KIRREL3: variants seen among roughly 807,000 people sequenced by gnomAD.
The protein encoded by KIRREL3 is kin of IRRE-like protein 3.
A neutral mutation model predicts 89.7 loss-of-function variants in KIRREL3; 36 were observed. The observed-to-expected ratio is 0.40, with a 90% CI of 0.31 to 0.53. The LOEUF (loss-of-function observed/expected upper bound fraction) is 0.53, where lower values mean the gene tolerates loss of function less well. Ranked by LOEUF, KIRREL3 falls within the 20% of genes least tolerant of loss-of-function variation. KIRREL3 has a pLI of 0.49. For missense variants in KIRREL3, 864 were observed against 1,056.6 expected (o/e 0.82, Z 2.53); for synonymous variants, 445 against 441.4 (o/e 1.01, Z -0.10).
intron 1 of KIRREL3, among the ~76,000 whole-genome samples, chr11:126,738,197 G>A (rs1345227503): frequency 1.3e-5 from 2 of 152,270 alleles, no homozygotes; most frequent in African/African-American, 2.4e-5. Flanking sequence ...AAAATCCGAC[G>A]CATTTTCATT....
Position 126,428,599 on chromosome 11 carries a change from C to T in KIRREL3, c.1806+580G>A, listed in dbSNP as rs1955021745. 6.6e-6 allele frequency among the ~76,000 whole-genome samples: 1 copy of T among 152,036 alleles called. No homozygotes were observed. The highest frequency in any genetic ancestry group is 1.5e-5 in the Non-Finnish European group (1 of 68,014). On this transcript the variant is annotated intron_variant, in intron 15 of 16. Coordinates refer to ENST00000525144, the MANE Select transcript of KIRREL3 (RefSeq NM_032531.4). This position sits in a 1 kb window ranked among gnomAD's most constrained non-coding sequence, Gnocchi z 6.4. ...ATATTGTGGCAATTTATGCATATGT[C>T]TTTTCTCCTTACTGAAGAGCCAGGC...
intron 1 of KIRREL3, among the ~76,000 whole-genome samples, chr11:126,809,988 C>T (rs536892346): frequency 6.6e-6 from 1 of 152,244 alleles, no homozygotes; most frequent in South Asian, 2.1e-4. Context: ...ATGTCATTCG[C>T]CTCAGCTTGT....
Position 126,571,818 on chromosome 11 carries a change from T to C in KIRREL3, c.56-8906A>G, listed in dbSNP as rs538976434. 2.7e-4 allele frequency among the ~76,000 whole-genome samples: 41 copies of C among 152,298 alleles called. No homozygotes were observed. Among genetic ancestry groups the C allele is most frequent in the Non-Finnish European group, 4.6e-4 (31 of 68,020 alleles). Reference sequence around the variant, plus strand: ...AAGAATTTTACGGGAAACAGTTTTATCCCATGTGCAAGGATGCCTCAGCCC... The same window carrying C: ...AAGAATTTTACGGGAAACAGTTTTACCCCATGTGCAAGGATGCCTCAGCCC... On this transcript the variant is annotated intron_variant, in intron 1 of 16. Coordinates refer to ENST00000525144, the MANE Select transcript of KIRREL3 (RefSeq NM_032531.4). The surrounding 1 kb of genome is among the most constrained non-coding windows in gnomAD (Gnocchi z 7.7).
At chr11:126,662,950 T>C (rs1343603428) in intron 1 of KIRREL3, among the ~76,000 whole-genome samples, 2 of 142,018 alleles carry the variant, frequency 1.4e-5, no homozygotes, top group African/African-American at 5.2e-5. Context: ...TGATTCTTAC[T>C]CATGTATTTC....
rs1443684333 is a variant in KIRREL3 at position 126,564,009 on chromosome 11, G to A, written c.56-1097C>T. On this transcript the variant is annotated intron_variant, in intron 1 of 16. Coordinates refer to ENST00000525144, the MANE Select transcript of KIRREL3 (RefSeq NM_032531.4). The surrounding 1 kb of genome is among the most constrained non-coding windows in gnomAD (Gnocchi z 7.4). ...CCCCACCCCACCTTGTAGCATAGAA[G>A]TCTTACAAATGTGTCAGCTGCCACA... Among the ~76,000 whole-genome samples the A allele has an allele frequency of 2.0e-5, 3 of 152,210 alleles. No homozygotes were observed. In the East Asian group the frequency reaches 5.8e-4, roughly 29 times the overall value.
intron 1 of KIRREL3, among the ~76,000 whole-genome samples, chr11:126,661,620 C>T (rs896992234): frequency 6.6e-6 from 1 of 152,264 alleles, no homozygotes; most frequent in Admixed American, 6.5e-5. Context: ...GTGAAGATTT[C>T]CAGGATGGAT....
intron 1 of KIRREL3, among the ~76,000 whole-genome samples, chr11:126,732,563 C>T (rs1041647787): frequency 2.0e-5 from 3 of 152,182 alleles, no homozygotes; most frequent in African/African-American, 4.8e-5. Context: ...CTGCTTGTCT[C>T]GGGAAAGTGT....
At position 126,490,594 on chromosome 11, in the gene KIRREL3, T is replaced by C. The variant is rs192120865; in HGVS notation, c.434-17128A>G. 2.3e-3 allele frequency among the ~76,000 whole-genome samples: 352 copies of C among 152,326 alleles called. 2 individuals are homozygous for C. Among genetic ancestry groups the C allele is most frequent in the Non-Finnish European group, 3.8e-3 (257 of 68,026 alleles). On this transcript the variant is annotated intron_variant, in intron 4 of 16. Coordinates refer to ENST00000525144, the MANE Select transcript of KIRREL3 (RefSeq NM_032531.4). The surrounding 1 kb of genome is among the most constrained non-coding windows in gnomAD (Gnocchi z 4.2). ...CTCCCGGTTCCAGGCTGCATGGCCT[T>C]GGATACGTTAATTAGTTATTTGAGC...
intron 1 of KIRREL3, chr11:126,936,095 A>T (rs1016545454): frequency 2.0e-5 from 3 of 152,218 alleles, no homozygotes; most frequent in African/African-American, 7.2e-5. Flanking sequence ...TTCAAAAGAC[A>T]TTTCACCAAA....
rs1291479088 is a variant in KIRREL3, at chr11:126,431,431, G to C, written c.1684C>G (p.Arg562Gly). The C allele has an allele frequency of 1.9e-6, 3 of 1,614,020 alleles. No homozygotes were observed. Among genetic ancestry groups the C allele is most frequent in the South Asian group, 1.1e-5 (1 of 91,086 alleles). The change falls in exon 14 of 17, where the codon CGT becomes GGT. Residue 562 changes from arginine (R) to glycine (G), a missense_variant. Coordinates refer to ENST00000525144, the MANE Select transcript of KIRREL3 (RefSeq NM_032531.4). This position sits in a 1 kb window ranked among gnomAD's most constrained non-coding sequence, Gnocchi z 7.1. ...CTCCCTCCCGTACTTCTCTGGGAAC[G>C]GGCACAGCAGAACGCCACGATGGTT... ...MATIVAFCCA[R>G]SQRNLKGVVS...
At chr11:126,829,970 T>C (rs1943553347) in intron 1 of KIRREL3, among the ~76,000 whole-genome samples, 1 of 152,172 alleles carries the variant, frequency 6.6e-6, no homozygotes. Context: ...CACAGTTATT[T>C]CTCTAACCAC....
Position 126,508,893 on chromosome 11 carries a change from G to A in KIRREL3, c.433+12422C>T, listed in dbSNP as rs1469706007. On this transcript the variant is annotated intron_variant, in intron 4 of 16. Coordinates refer to ENST00000525144, the MANE Select transcript of KIRREL3 (RefSeq NM_032531.4). This position sits in a 1 kb window ranked among gnomAD's most constrained non-coding sequence, Gnocchi z 4.9. ...TGTCATAGAGTGGCAGCTCACCAGC[G>A]TCACCCTTGCCCTTCTCTCTTCTCT... Among the ~76,000 whole-genome samples, 7 of 152,108 alleles carry A rather than the reference G, an allele frequency of 4.6e-5. No homozygotes were observed. Among genetic ancestry groups the A allele is most frequent in the Non-Finnish European group, 7.4e-5 (5 of 68,024 alleles).
At position 126,635,671 on chromosome 11, in the gene KIRREL3, G is replaced by A. The variant is rs1002105478; in HGVS notation, c.56-72759C>T. Reference sequence around the variant, plus strand: ...AGACTAAGATGTGGCTTTGACCCCAGCTGGATATCTGCTCACGTCATCAAA... The same window carrying A: ...AGACTAAGATGTGGCTTTGACCCCAACTGGATATCTGCTCACGTCATCAAA... On this transcript the variant is annotated intron_variant, in intron 1 of 16. Transcript: ENST00000525144. The surrounding 1 kb of genome is among the most constrained non-coding windows in gnomAD (Gnocchi z 4.0). Among the ~76,000 whole-genome samples the A allele has an allele frequency of 6.6e-6, 1 of 152,196 alleles. No individual in the cohort carries two copies. Among genetic ancestry groups the A allele is most frequent in the Non-Finnish European group, 1.5e-5 (1 of 68,046 alleles).
chr11:126,616,150 A>G (rs549190), intron 1 of KIRREL3, among the ~76,000 whole-genome samples: 61,484 of 152,096 alleles, frequency 0.4, 13,619 homozygotes, highest in South Asian at 0.53. Flanking sequence ...GTGATGGCAT[A>G]GCTAAAGGCA....
chr11:126,868,528 C>T (rs1944999248), intron 1 of KIRREL3, among the ~76,000 whole-genome samples: 2 of 152,158 alleles, frequency 1.3e-5, no homozygotes, highest in Admixed American at 1.3e-4. Context: ...ATTCATTTAG[C>T]CTTTTCTCCC....
intron 1 of KIRREL3, among the ~76,000 whole-genome samples, chr11:126,838,617 G>GT (rs1390129141): frequency 6.6e-6 from 1 of 152,206 alleles, no homozygotes; most frequent in Non-Finnish European, 1.5e-5. Context: ...TCAGCATGGA[G>GT]TATGAGTTCA....
intron 1 of KIRREL3, among the ~76,000 whole-genome samples, chr11:126,646,131 T>C (rs567976522): frequency 6.6e-5 from 10 of 151,146 alleles, no homozygotes; most frequent in Non-Finnish European, 1.3e-4. Context: ...CCCAAACAGG[T>C]CAGCATTAGC....
intron 1 of KIRREL3, among the ~76,000 whole-genome samples, chr11:126,868,776 C>T (rs915626594): frequency 1.8e-4 from 27 of 152,072 alleles, no homozygotes; most frequent in Non-Finnish European, 1.9e-4. Context: ...CACTGAGTGG[C>T]TGACAAACAA....
rs557197061 is a variant in KIRREL3, at chr11:126,711,388, C to A, written c.56-148476G>T. On this transcript the variant is annotated intron_variant, in intron 1 of 16. Coordinates refer to ENST00000525144, the MANE Select transcript of KIRREL3 (RefSeq NM_032531.4). The stretch of plus-strand genomic sequence containing the variant: ...CAGCCTGGCCAATATGGTGAACCCC[C>A]CACCTCTACTAAAAATACAGAAATT... 4.8e-4 allele frequency among the ~76,000 whole-genome samples: 73 copies of A among 152,252 alleles called. 1 individual carries two copies. The highest frequency in any genetic ancestry group is 1.8e-3 in the African/African-American group (73 of 41,532).
Sources: gnomAD v4.1 joint callset for allele counts (sites outside exome capture counted in the v4.1 genomes callset) on GRCh38, gnomAD v4.1.1 for gene constraint, Gnocchi (gnomAD v3.1) non-coding constraint, MANE v1.5 for transcripts, NCBI Gene and HGNC (gene_info 2026-07-23, HGNC 2026-07-21) for gene names.